Variants in NRIP1 observed in about 807,000 individuals in gnomAD.
NRIP1 encodes nuclear receptor-interacting protein 1.
Under a neutral mutation model 75.0 loss-of-function variants are expected in NRIP1, and 28 were observed. The observed-to-expected ratio is 0.37, with a 90% CI of 0.28 to 0.51. The LOEUF is 0.51. Ranked by LOEUF, NRIP1 falls within the 20% of genes least tolerant of loss-of-function variation. The pLI, the probability that NRIP1 is intolerant of heterozygous loss-of-function variation, is 0.92. For synonymous variants in NRIP1, 526 were observed against 487.6 expected (o/e 1.08, Z -1.04); for missense variants, 1,435 against 1,343.7 (o/e 1.07, Z -1.06).
At position 14,965,630 on chromosome 21, in the gene NRIP1, C is replaced by T. The variant is rs1222538203; in HGVS notation, c.2563G>A (p.Val855Ile). 6.2e-7 allele frequency: 1 copy of T among 1,613,236 alleles called. No individual in the cohort carries two copies. Among genetic ancestry groups the T allele is most frequent in the East Asian group, 2.2e-5 (1 of 44,876 alleles). Reference sequence around the variant, plus strand: ...GTATAAAGCTTCCTTTTCTTAGGGACCATGCAAAGATTCTTTGATTCTAGA... The same window carrying T: ...GTATAAAGCTTCCTTTTCTTAGGGATCATGCAAAGATTCTTTGATTCTAGA... The part of the protein sequence containing the change: ...ALLESKNLCM[V>I]PKKRKLYTEP... The change falls in exon 4 of 4, where the codon GTC (valine) becomes ATC (isoleucine). Residue 855 changes from valine to isoleucine, a missense_variant. Physicochemically the swap from Val to Ile is conservative, Grantham distance 29 (BLOSUM62 3). Transcript: ENST00000318948.
chr21:15,017,425 T>A (rs1268799937), intron 2 of NRIP1, among the ~76,000 whole-genome samples: 2 of 152,180 alleles, frequency 1.3e-5, no homozygotes, highest in African/African-American at 4.8e-5. Context: ...TTACAGCTAC[T>A]ACTCTTACCA....
At chr21:15,057,135 T>G (rs1030622376) in intron 1 of NRIP1, among the ~76,000 whole-genome samples, 1 of 151,896 alleles carries the variant, frequency 6.6e-6, no homozygotes, top group African/African-American at 2.4e-5. Flanking sequence ...AGGATAGTCT[T>G]TAACAAAATT....
intron 2 of NRIP1, among the ~76,000 whole-genome samples, chr21:15,042,349 G>T (rs2088974775): frequency 6.6e-6 from 1 of 152,208 alleles, no homozygotes; most frequent in African/African-American, 2.4e-5. Flanking sequence ...ACAAGATACA[G>T]AGGAGGTATA....
chr21:15,041,446 T>C (rs2088952625), intron 2 of NRIP1, among the ~76,000 whole-genome samples: 1 of 152,154 alleles, frequency 6.6e-6, no homozygotes, highest in Non-Finnish European at 1.5e-5. Flanking sequence ...GGGTGTCTAT[T>C]TGATTACATG....
chr21:14,975,242 C>A (rs1465141991), intron 3 of NRIP1, among the ~76,000 whole-genome samples: 1 of 152,048 alleles, frequency 6.6e-6, no homozygotes, highest in Non-Finnish European at 1.5e-5. Context: ...AAAGTATTAG[C>A]ATCAGTTTTT....
intron 3 of NRIP1, among the ~76,000 whole-genome samples, chr21:14,971,872 A>G (rs1404941970): frequency 6.6e-6 from 1 of 152,240 alleles, no homozygotes. Context: ...AATAGATTTA[A>G]AAGGAAGATG....
intron 1 of NRIP1, among the ~76,000 whole-genome samples, chr21:15,045,435 T>A (rs8132398): frequency 0.31 from 46,457 of 152,100 alleles, 10,071 homozygotes; most frequent in African/African-American, 0.6. Context: ...GTGCAAAAGC[T>A]TTATGTCGAA....
intron 3 of NRIP1, among the ~76,000 whole-genome samples, chr21:14,974,944 CA>C (rs372594345): frequency 1.3e-5 from 2 of 151,752 alleles, no homozygotes; most frequent in African/African-American, 4.8e-5. Flanking sequence ...CCCATCTTTA[CA>C]AAAACATTAA....
At chr21:14,987,216 C>T (rs1222802109) in intron 3 of NRIP1, among the ~76,000 whole-genome samples, 5 of 152,166 alleles carry the variant, frequency 3.3e-5, no homozygotes, top group Non-Finnish European at 7.3e-5. Context: ...CATTATTAAA[C>T]GTGCAAAAGC....
chr21:14,973,460 TACA>T (rs1259803239), intron 3 of NRIP1, among the ~76,000 whole-genome samples: 3 of 152,066 alleles, frequency 2.0e-5, no homozygotes, highest in Admixed American at 6.5e-5. Flanking sequence ...AATGCATATA[TACA>T]ACGAGAAAAA....
chr21:14,991,449 T>C (rs943023890), intron 3 of NRIP1: 3 of 152,042 alleles, frequency 2.0e-5, no homozygotes, highest in African/African-American at 7.2e-5. Flanking sequence ...TTTTACCTCC[T>C]TATTTTAAAG....
chr21:15,037,539 G>A (rs555250753), intron 2 of NRIP1, among the ~76,000 whole-genome samples: 1 of 152,242 alleles, frequency 6.6e-6, no homozygotes, highest in East Asian at 1.9e-4. Flanking sequence ...AAAAATAAAG[G>A]CAGTGTGAAT....
At chr21:15,032,107 G>A (rs1250573003) in intron 2 of NRIP1, among the ~76,000 whole-genome samples, 2 of 152,206 alleles carry the variant, frequency 1.3e-5, no homozygotes, top group Admixed American at 6.5e-5. Flanking sequence ...GTTCAAAGTG[G>A]AGGAAGGAAG....
At chr21:14,969,984 T>C (rs1345905566) in intron 3 of NRIP1, among the ~76,000 whole-genome samples, 3 of 152,192 alleles carry the variant, frequency 2.0e-5, no homozygotes, top group Admixed American at 6.5e-5. Flanking sequence ...AATAATGATA[T>C]AGAAATGAAA....
At chr21:15,000,021 A>C (rs2087815866) in intron 3 of NRIP1, among the ~76,000 whole-genome samples, 1 of 152,256 alleles carries the variant, frequency 6.6e-6, no homozygotes, top group African/African-American at 2.4e-5. Flanking sequence ...CAGCTTAACA[A>C]AATTCAACAA....
intron 2 of NRIP1, among the ~76,000 whole-genome samples, chr21:15,033,801 C>T (rs2088768766): frequency 6.6e-6 from 1 of 152,170 alleles, no homozygotes; most frequent in Non-Finnish European, 1.5e-5. Flanking sequence ...GATTCAAACT[C>T]AAGTCAGTGT....
chr21:15,016,033 C>T (rs186664729), intron 2 of NRIP1, among the ~76,000 whole-genome samples: 3 of 152,302 alleles, frequency 2.0e-5, no homozygotes, highest in African/African-American at 7.2e-5. Context: ...GGGAAAGAGA[C>T]AGGTCTGACA....
chr21:14,980,244 C>A (rs959563097), intron 3 of NRIP1, among the ~76,000 whole-genome samples: 2 of 152,030 alleles, frequency 1.3e-5, no homozygotes, highest in African/African-American at 2.4e-5. Context: ...AATCCCAGCA[C>A]TCTGGGAGGC....
In NRIP1 at chr21:14,963,410, T is replaced by A. The variant is rs2086640114; in HGVS notation, c.*1306A>T. ...ATAATCACAGATTTTCCTGAGATGT[T>A]GAGCCAGATATGAAAGTTATCCCCT... On this transcript the variant is annotated 3_prime_UTR_variant, in exon 4 of 4. Coordinates refer to ENST00000318948, the MANE Select transcript of NRIP1 (RefSeq NM_003489.4). 6.6e-6 allele frequency: 1 copy of A among 152,508 alleles called. No individual in the cohort carries two copies. The highest frequency in any genetic ancestry group is 1.5e-5 in the Non-Finnish European group (1 of 67,966). 9.4% of individuals were successfully genotyped at this position (152,508 alleles called of 1,614,324 possible).
Sources: gnomAD v4.1 joint callset for allele counts (sites outside exome capture counted in the v4.1 genomes callset) on GRCh38, gnomAD v4.1.1 for gene constraint, MANE v1.5 for transcripts, NCBI Gene and HGNC (gene_info 2026-07-23, HGNC 2026-07-21) for gene names.